The following SGCZ variants were observed in gnomAD, a reference collection of about 807,000 sequenced individuals.
SGCZ encodes zeta-sarcoglycan.
SGCZ carries 40 observed loss-of-function variants against 41.3 expected under a neutral mutation model. The ratio of observed to expected loss-of-function variants is 0.97; its 90% CI spans 0.75 to 1.26. The LOEUF (loss-of-function observed/expected upper bound fraction) is 1.26, where lower values mean the gene tolerates loss of function less well. Among genes scored for constraint, SGCZ ranks in the 50% most tolerant of loss-of-function variants. The pLI is 0.00. For missense variants in SGCZ, 552 were observed against 369.8 expected, an observed-to-expected ratio of 1.49 and a Z score of -4.04; for synonymous variants, 206 against 137.5, an observed-to-expected ratio of 1.50 and a Z score of -3.49.
At chr8:14,152,122 C>A (rs1240587297) in intron 5 of SGCZ, among the ~76,000 whole-genome samples, 1 of 151,778 alleles carries the variant, frequency 6.6e-6, no homozygotes, top group African/African-American at 2.4e-5. Flanking sequence ...AAAGACTTGA[C>A]TAATAGAATA....
intron 1 of SGCZ, among the ~76,000 whole-genome samples, chr8:15,217,005 C>T (rs1801425066): frequency 6.6e-6 from 1 of 151,916 alleles, no homozygotes; most frequent in Non-Finnish European, 1.5e-5. Flanking sequence ...TGGATAGATG[C>T]TCTTGACTTT....
chr8:14,225,590 G>C (rs1418607812), intron 4 of SGCZ, among the ~76,000 whole-genome samples: 1 of 152,014 alleles, frequency 6.6e-6, no homozygotes, highest in African/African-American at 2.4e-5. Context: ...GAAAAAGACA[G>C]AAAAAGTCAG....
intron 1 of SGCZ, among the ~76,000 whole-genome samples, chr8:14,819,006 C>T (rs1801988664): frequency 6.6e-6 from 1 of 151,840 alleles, no homozygotes; most frequent in South Asian, 2.1e-4. Flanking sequence ...TTTCTGAAAA[C>T]ATTCTATGTA....
At chr8:15,010,670 G>A (rs1413094163) in intron 1 of SGCZ, among the ~76,000 whole-genome samples, 1 of 152,156 alleles carries the variant, frequency 6.6e-6, no homozygotes, top group East Asian at 1.9e-4. Flanking sequence ...GTCAGTACAG[G>A]AAGCCAGATG....
intron 1 of SGCZ, among the ~76,000 whole-genome samples, chr8:15,083,065 C>T (rs1162553550): frequency 6.6e-6 from 1 of 152,150 alleles, no homozygotes. Context: ...AACTAATAGT[C>T]GTGTTCAAAT....
intron 2 of SGCZ, among the ~76,000 whole-genome samples, chr8:14,417,736 A>G (rs1377845150): frequency 6.6e-6 from 1 of 151,896 alleles, no homozygotes; most frequent in Admixed American, 6.6e-5. Context: ...TGTTTTACAC[A>G]AAAAAGGTAA....
intron 1 of SGCZ, among the ~76,000 whole-genome samples, chr8:14,777,619 G>A (rs1800448495): frequency 6.6e-6 from 1 of 152,088 alleles, no homozygotes; most frequent in South Asian, 2.1e-4. Flanking sequence ...TGATGCATAA[G>A]ACATACGCAT....
At chr8:14,261,259 T>C (rs567167362) in intron 3 of SGCZ, among the ~76,000 whole-genome samples, 1 of 152,336 alleles carries the variant, frequency 6.6e-6, no homozygotes, top group East Asian at 1.9e-4. Context: ...TGTCTTTTAA[T>C]ATTTTAATCA....
intron 2 of SGCZ, among the ~76,000 whole-genome samples, chr8:14,391,517 G>T (rs1052003510): frequency 6.6e-6 from 1 of 152,042 alleles, no homozygotes; most frequent in Admixed American, 6.6e-5. Flanking sequence ...TTTCAGGCAG[G>T]GAGTACTATG....
intron 2 of SGCZ, among the ~76,000 whole-genome samples, chr8:14,444,898 C>G (rs1375008056): frequency 1.3e-5 from 2 of 152,128 alleles, no homozygotes; most frequent in African/African-American, 4.8e-5. Context: ...ACTAATAAAA[C>G]TCAACGCTGG....
At chr8:14,231,377 T>G (rs79315806) in intron 4 of SGCZ, among the ~76,000 whole-genome samples, 2,883 of 152,058 alleles carry the variant, frequency 0.019, 38 homozygotes, top group Non-Finnish European at 0.027. Flanking sequence ...TTAAGGAATT[T>G]CATCAATATC....
intron 7 of SGCZ, among the ~76,000 whole-genome samples, chr8:14,101,434 T>C (rs185129940): frequency 1.7e-4 from 26 of 150,106 alleles, no homozygotes; most frequent in Admixed American, 3.3e-4. Context: ...ATTTCCAGAA[T>C]TGGTAAAAAT....
chr8:14,209,434 G>A (rs933289849), intron 4 of SGCZ, among the ~76,000 whole-genome samples: 7 of 151,422 alleles, frequency 4.6e-5, no homozygotes, highest in East Asian at 3.9e-4. Context: ...AGGAACCCTG[G>A]GTATATACCC....
chr8:14,667,644 A>T lies in SGCZ; in HGVS notation c.40-112718T>A, dbSNP rs796271809. On this transcript the variant is annotated intron_variant, in intron 1 of 7. Coordinates refer to ENST00000382080, the MANE Select transcript of SGCZ (RefSeq NM_139167.4). Reference sequence around the variant, plus strand: ...TGTTTATACCACAAAGATACTTAAAAATCTAATGATTCCAGAATAGTATAA... The same window carrying T: ...TGTTTATACCACAAAGATACTTAAATATCTAATGATTCCAGAATAGTATAA... Among the ~76,000 whole-genome samples the T allele has an allele frequency of 1.2e-4, 18 of 152,298 alleles. 1 individual carries two copies. The highest frequency in any genetic ancestry group is 4.3e-4 in the African/African-American group (18 of 41,570).
chr8:14,875,958 A>T (rs961880460), intron 1 of SGCZ, among the ~76,000 whole-genome samples: 1 of 152,190 alleles, frequency 6.6e-6, no homozygotes, highest in African/African-American at 2.4e-5. Context: ...ATTCTCTAAA[A>T]CAATGGGAAA....
intron 1 of SGCZ, among the ~76,000 whole-genome samples, chr8:14,883,739 A>G (rs564973214): frequency 8.7e-5 from 13 of 149,164 alleles, no homozygotes; most frequent in Non-Finnish European, 1.3e-4. Context: ...TGGAGTTCAG[A>G]CATGTTCCTT....
chr8:14,436,114 G>C (rs1286665370), intron 2 of SGCZ, among the ~76,000 whole-genome samples: 1 of 152,176 alleles, frequency 6.6e-6, no homozygotes, highest in Non-Finnish European at 1.5e-5. Context: ...CTTCTGTCTA[G>C]CAGGAAGGGA....
intron 1 of SGCZ, among the ~76,000 whole-genome samples, chr8:14,786,981 A>T (rs1350758394): frequency 6.6e-6 from 1 of 152,136 alleles, no homozygotes. Flanking sequence ...TGAAAATTAG[A>T]GCACCAGGGA....
At chr8:14,329,931 G>C (rs1585371317) in intron 2 of SGCZ, among the ~76,000 whole-genome samples, 1 of 151,784 alleles carries the variant, frequency 6.6e-6, no homozygotes, top group Non-Finnish European at 1.5e-5. Flanking sequence ...TTGTTTTTCA[G>C]AACAGCTCCA....
Sources: gnomAD v4.1 joint callset for allele counts (sites outside exome capture counted in the v4.1 genomes callset) on GRCh38, gnomAD v4.1.1 for gene constraint, MANE v1.5 for transcripts, NCBI Gene and HGNC (gene_info 2026-07-23, HGNC 2026-07-21) for gene names.